WIPF1: variants seen among roughly 807,000 people sequenced by gnomAD.
The protein encoded by WIPF1 is WAS/WASL interacting protein family member 1, also known as WAS/WASL-interacting protein family member 1.
Under a neutral mutation model 35.4 loss-of-function variants are expected in WIPF1, and 13 were observed. The observed-to-expected ratio is 0.37, with a 90% confidence interval of 0.24 to 0.58. The LOEUF (loss-of-function observed/expected upper bound fraction) is 0.58, where lower values mean the gene tolerates loss of function less well. Ranked by LOEUF, WIPF1 falls within the 20% of genes least tolerant of loss-of-function variation. The pLI is 0.74. For missense variants in WIPF1, 591 were observed against 667.0 expected, an observed-to-expected ratio of 0.89 and a Z score of 1.25; for synonymous variants, 267 against 266.3, an observed-to-expected ratio of 1.00 and a Z score of -0.02.
In WIPF1 at chr2:174,604,665, T is replaced by C. The variant is rs1686104245; in HGVS notation, c.-38-19054A>G. ...ATTATGGGGATAGATTATGGGCAAT[T>C]GCATGGAGATAGTCCGAAGAGCTGG... is the stretch of plus-strand genomic sequence containing the variant. On this transcript the variant is annotated intron_variant, in intron 1 of 8. Coordinates refer to the WIPF1 transcript ENST00000272746. Among the ~76,000 whole-genome samples the C allele has an allele frequency of 2.0e-5, 3 of 152,252 alleles. No homozygotes were observed. The South Asian group carries it at 6.2e-4, about 31-fold the overall frequency.
intron 1 of WIPF1, among the ~76,000 whole-genome samples, chr2:174,627,835 C>T (rs1335877923): frequency 6.6e-6 from 1 of 152,158 alleles, no homozygotes; most frequent in Non-Finnish European, 1.5e-5. Flanking sequence ...ATGCATGAGA[C>T]ATCACACCTG....
rs1358798789 is a variant in WIPF1 at position 174,590,922 on chromosome 2, A to G, written c.-38-5311T>C. Among the ~76,000 whole-genome samples the G allele has an allele frequency of 6.6e-6, 1 of 152,240 alleles. No individual in the cohort carries two copies. Among genetic ancestry groups the G allele is most frequent in the African/African-American group, 2.4e-5 (1 of 41,476 alleles). On this transcript the variant is annotated intron_variant, in intron 1 of 7. Coordinates refer to ENST00000679041, the MANE Select transcript of WIPF1 (RefSeq NM_001375834.1). This position sits in a 1 kb window ranked among gnomAD's most constrained non-coding sequence, Gnocchi z 4.6. ...ACAGAAAAGGCTTTTGTTTTCACAT[A>G]CAGTATTACGGTCTGAACTATGTCC...
Position 174,671,999 on chromosome 2 carries a change from A to C in WIPF1, c.-39+10775T>G, listed in dbSNP as rs565353934. 6.6e-5 allele frequency among the ~76,000 whole-genome samples: 10 copies of C among 152,188 alleles called. No homozygotes were observed. The South Asian group carries it at 2.1e-3, about 32-fold the overall frequency. On this transcript the variant is annotated intron_variant, in intron 1 of 8. Transcript: ENST00000272746. ...GTACACTCCCTCCCCTTTGAAAATC[A>C]CCAATAAAAACTTGCTGGTTTTGCA...
intron 1 of WIPF1, among the ~76,000 whole-genome samples, chr2:174,632,399 AG>A (rs1171821395): frequency 2.0e-5 from 3 of 152,168 alleles, no homozygotes; most frequent in East Asian, 1.9e-4. Flanking sequence ...AGCTTTTGGA[AG>A]GATGCATTTA....
chr2:174,624,659 G>A (rs997889942), intron 1 of WIPF1, among the ~76,000 whole-genome samples: 5 of 152,204 alleles, frequency 3.3e-5, no homozygotes, highest in Admixed American at 6.5e-5. Flanking sequence ...TAAGATGCTG[G>A]AGCAGGGTCC....
intron 1 of WIPF1, among the ~76,000 whole-genome samples, chr2:174,682,405 C>T (rs899166785): frequency 3.3e-5 from 5 of 152,186 alleles, no homozygotes; most frequent in African/African-American, 1.2e-4. Flanking sequence ...CGCCGCGAAG[C>T]CCCTGCTCGA....
At chr2:174,618,642 A>G (rs1255327903) in intron 1 of WIPF1, among the ~76,000 whole-genome samples, 1 of 152,164 alleles carries the variant, frequency 6.6e-6, no homozygotes, top group African/African-American at 2.4e-5. Context: ...AATTCTCACA[A>G]CCCTGTAAGA....
chr2:174,627,563 G>A (rs1285917109), intron 1 of WIPF1, among the ~76,000 whole-genome samples: 1 of 119,262 alleles, frequency 8.4e-6, no homozygotes, highest in Non-Finnish European at 1.6e-5. Context: ...TTTTTTTTGA[G>A]ACAGTCTTCC....
chr2:174,670,982 T>C (rs1688005655), intron 1 of WIPF1, among the ~76,000 whole-genome samples: 1 of 152,212 alleles, frequency 6.6e-6, no homozygotes, highest in South Asian at 2.1e-4. Context: ...TGGACAGCAA[T>C]ATATTGACTT....
chr2:174,586,912 G>A (rs929146907), intron 1 of WIPF1, among the ~76,000 whole-genome samples: 11 of 152,116 alleles, frequency 7.2e-5, no homozygotes, highest in Admixed American at 5.2e-4. Context: ...TTAAGCCAGC[G>A]GGCAGTCTGG....
chr2:174,668,908 G>T (rs903114192), intron 1 of WIPF1, among the ~76,000 whole-genome samples: 1 of 152,238 alleles, frequency 6.6e-6, no homozygotes, highest in Non-Finnish European at 1.5e-5. Context: ...AAGCCACGCT[G>T]CCTGGACTGA....
chr2:174,587,634 C>T (rs1685466725), intron 1 of WIPF1: 1 of 152,224 alleles, frequency 6.6e-6, no homozygotes, highest in African/African-American at 2.4e-5. Context: ...TATGGAGAAT[C>T]TGCTGGATCC....
At chr2:174,563,500 C>T (rs1406833934) in intron 7 of WIPF1, among the ~76,000 whole-genome samples, 1 of 152,016 alleles carries the variant, frequency 6.6e-6, no homozygotes, top group Non-Finnish European at 1.5e-5. Context: ...CCTGAGAGGT[C>T]GAGGCTGCAA....
chr2:174,617,458 C>T (rs982478680), intron 1 of WIPF1, among the ~76,000 whole-genome samples: 2 of 152,198 alleles, frequency 1.3e-5, no homozygotes, highest in Non-Finnish European at 2.9e-5. Flanking sequence ...ACAGACCCCT[C>T]GTACATGTTC....
chr2:174,569,368 G>A (rs921626501), intron 5 of WIPF1, among the ~76,000 whole-genome samples: 2 of 152,092 alleles, frequency 1.3e-5, no homozygotes. Context: ...GTCATTGCTG[G>A]AGTCCCAGGC....
rs146135868 is a variant in WIPF1 at position 174,571,916 on chromosome 2, T to A, written c.889A>T (p.Thr297Ser). 3.1e-6 allele frequency: 5 copies of A among 1,604,134 alleles called. No individual in the cohort carries two copies. In the African/African-American group the frequency reaches 6.8e-5, roughly 22 times the overall value. ...TGTGAGGAGGCCGAAGGCCGCGGAG[T>A]GGAAGGCACTGGAGGCTTGTTGTTC... Reference protein sequence around the residue: ...PQNNKPPVPSTPRPSASSQAP... With the variant: ...PQNNKPPVPSSPRPSASSQAP... The change falls in exon 5 of 8, where the codon ACT becomes TCT. Residue 297 changes from threonine (T) to serine (S), a missense_variant. Around this residue, in one of 3 missense-constraint regions of WIPF1, gnomAD observed 471 missense variants for 501.1 expected, o/e 0.94. Transcript: ENST00000679041. The surrounding 1 kb of genome is among the most constrained non-coding windows in gnomAD (Gnocchi z 4.6).
At chr2:174,589,340 T>C (rs1559153630) in intron 1 of WIPF1, among the ~76,000 whole-genome samples, 1 of 152,244 alleles carries the variant, frequency 6.6e-6, no homozygotes, top group East Asian at 1.9e-4. Context: ...CCCACCGCAC[T>C]GTGAGATCTG....
At position 174,575,343 on chromosome 2, in the gene WIPF1, G is replaced by GCCA. The variant is rs757052676; in HGVS notation, c.216_218dup (p.Gly73dup). ...CGCCAAATCCGCCGCCTCCACCAAA[G>GCCA]CCACCACCACCGCCTCCAGCACCAG... On this transcript the variant is annotated inframe_insertion, in exon 4 of 8. Transcript: ENST00000679041. 6 of 1,613,368 alleles carry GCCA rather than the reference G, an allele frequency of 3.7e-6. No individual in the cohort carries two copies. Among genetic ancestry groups the GCCA allele is most frequent in the South Asian group, 1.1e-5 (1 of 90,988 alleles).
chr2:174,665,926 T>C (rs1574868372), intron 1 of WIPF1, among the ~76,000 whole-genome samples: 1 of 152,204 alleles, frequency 6.6e-6, no homozygotes, highest in East Asian at 1.9e-4. Context: ...TGAGCATGCT[T>C]CTTTTGCTGT....
Sources: gnomAD v4.1 joint callset for allele counts (sites outside exome capture counted in the v4.1 genomes callset) on GRCh38, gnomAD v4.1.1 for gene constraint, gnomAD v4.1.1 regional missense constraint, Gnocchi (gnomAD v3.1) non-coding constraint, MANE v1.5 for transcripts, NCBI Gene and HGNC (gene_info 2026-07-23, HGNC 2026-07-21) for gene names.